Variants in URGCP observed in about 807,000 individuals in gnomAD.
URGCP encodes up-regulator of cell proliferation.
A neutral mutation model predicts 24.6 loss-of-function variants in URGCP; 13 were observed. The observed-to-expected ratio is 0.53, with a 90% CI of 0.34 to 0.84. The LOEUF (loss-of-function observed/expected upper bound fraction) is 0.84. URGCP is among the 40% of genes least tolerant of loss of function. The pLI, the probability that URGCP is intolerant of heterozygous loss-of-function variation, is 0.01. For synonymous variants in URGCP, 444 were observed against 487.2 expected, an observed-to-expected ratio of 0.91 and a Z score of 1.17; for missense variants, 899 against 1,194.3, an observed-to-expected ratio of 0.75 and a Z score of 3.64.
chr7:43,901,232 C>T (rs1349280633), intron 1 of URGCP, among the ~76,000 whole-genome samples: 2 of 152,192 alleles, frequency 1.3e-5, no homozygotes, highest in Admixed American at 6.5e-5. Context: ...CCCTGTCACT[C>T]GTGGTTCCGG....
chr7:43,899,321 T>C (rs2095885330), intron 1 of URGCP, among the ~76,000 whole-genome samples: 1 of 149,740 alleles, frequency 6.7e-6, no homozygotes, highest in Admixed American at 6.7e-5. Context: ...GATCTCACTA[T>C]GTTGCCCAGG....
chr7:43,883,710 A>G (rs2095858216), intron 3 of URGCP, among the ~76,000 whole-genome samples: 1 of 152,124 alleles, frequency 6.6e-6, no homozygotes, highest in Non-Finnish European at 1.5e-5. Context: ...GGATATTTTC[A>G]GATTTATGTT....
Position 43,876,327 on chromosome 7 carries a change from A to C in URGCP, c.*340T>G. 7.5e-6 allele frequency: 2 copies of C among 266,482 alleles called. No homozygotes were observed. Among genetic ancestry groups the C allele is most frequent in the Non-Finnish European group, 1.4e-5 (2 of 138,948 alleles). The allele number at this position is 266,482 out of a possible 1,614,324, so 16.5% of individuals were successfully genotyped here. On this transcript the variant is annotated 3_prime_UTR_variant, in exon 6 of 6. Coordinates refer to ENST00000453200, the MANE Select transcript of URGCP (RefSeq NM_001077663.3). ...CTGCCCGCCTGGGCCTGCAGTGACT[A>C]AGGACGCTGCTCCCACTCCAGGGGC...
chr7:43,915,777 G>A (rs2095914791), intron 1 of URGCP, among the ~76,000 whole-genome samples: 1 of 152,258 alleles, frequency 6.6e-6, no homozygotes, highest in Admixed American at 6.5e-5. Flanking sequence ...GGGAGGCTGA[G>A]GCGGGCAGAT....
chr7:43,919,925 C>T, intron 1 of URGCP: 5 of 1,322,386 alleles, frequency 3.8e-6, no homozygotes, highest in Non-Finnish European at 5.5e-6. Flanking sequence ...AGCCGTTCCG[C>T]AAGGAGGACA....
chr7:43,881,819 G>A, intron 4 of URGCP, 88 bp downstream of exon 4: 1 of 1,604,886 alleles, frequency 6.2e-7, no homozygotes, highest in Non-Finnish European at 8.5e-7. Flanking sequence ...TCTCCCAATT[G>A]TTCTAAATAT....
In URGCP at chr7:43,881,909, C is replaced by T; in HGVS notation, c.161G>A (p.Gly54Glu). Reference protein sequence around the residue: ...MEGDDCEFRYGDGTNEAQDND... With the variant: ...MEGDDCEFRYEDGTNEAQDND... ...TTGCCAAATCCTGTAGTTTCTACCT[C>T]CATAACGGAACTCGCAATCATCTCC... Residue 54 changes from glycine (G) to glutamate (E), a missense_variant and splice_region_variant, in exon 4 of 6, where the codon GGA becomes GAA. Gly to Glu is a moderately conservative substitution (Grantham distance 98, BLOSUM62 -2). Transcript: ENST00000453200. 6.2e-7 allele frequency: 1 copy of T among 1,614,040 alleles called. No homozygotes were observed. Among genetic ancestry groups the T allele is most frequent in the Admixed American group, 1.7e-5 (1 of 60,022 alleles).
chr7:43,900,470 A>AG (rs1491183312), intron 1 of URGCP, among the ~76,000 whole-genome samples: 7 of 28,868 alleles, frequency 2.4e-4, no homozygotes, highest in South Asian at 2.9e-3. Flanking sequence ...AAACCAAAAC[A>AG]AAAAAAAAAA....
chr7:43,917,200 C>T (rs2095916529), intron 1 of URGCP, among the ~76,000 whole-genome samples: 1 of 152,170 alleles, frequency 6.6e-6, no homozygotes, highest in South Asian at 2.1e-4. Flanking sequence ...TGACCTCTGT[C>T]TCCCTAAACA....
At chr7:43,890,788 G>A (rs2095869523) in intron 1 of URGCP, among the ~76,000 whole-genome samples, 1 of 152,166 alleles carries the variant, frequency 6.6e-6, no homozygotes, top group South Asian at 2.1e-4. Context: ...TTGTTGTCTG[G>A]CAGAAAGAAT....
chr7:43,909,742 T>A (rs190091810), upstream of URGCP, among the ~76,000 whole-genome samples: 602 of 149,314 alleles, frequency 4.0e-3, 3 homozygotes, highest in African/African-American at 8.7e-3. Context: ...ATTTAAAAAA[T>A]AATAATAATA....
chr7:43,918,688 T>C (rs2132729785), intron 1 of URGCP: 1 of 664,814 alleles, frequency 1.5e-6, no homozygotes. Context: ...CTCTGGTGCC[T>C]GAGGAGCGAT....
chr7:43,878,201 C>T lies in URGCP; in HGVS notation c.1262G>A (p.Ser421Asn). The T allele has an allele frequency of 6.2e-7, 1 of 1,614,230 alleles. No homozygotes were observed. Among genetic ancestry groups the T allele is most frequent in the Non-Finnish European group, 8.5e-7 (1 of 1,180,050 alleles). ...CTTCACGAAGCTGTCGCTGTCAGTGCTGCTGACCTTTACCAGGACATGTGA... is the reference window on the plus strand; with the variant it reads ...CTTCACGAAGCTGTCGCTGTCAGTGTTGCTGACCTTTACCAGGACATGTGA... ...DHSHVLVKVS[S>N]TDSDSFVKRI... The change falls in exon 6 of 6, where the codon AGC (serine) becomes AAC (asparagine). Residue 421 changes from serine (S) to asparagine (N), a missense_variant. Physicochemically the swap from Ser to Asn is conservative, Grantham distance 46. Transcript: ENST00000453200. This position sits in a 1 kb window ranked among gnomAD's most constrained non-coding sequence, Gnocchi z 5.6.
At chr7:43,908,206 T>C (rs1351496339), upstream of URGCP, among the ~76,000 whole-genome samples, 2 of 152,060 alleles carry the variant, frequency 1.3e-5, no homozygotes, top group Non-Finnish European at 2.9e-5. Flanking sequence ...AGCCTCCCAG[T>C]AGCTGGGACT....
intron 5 of URGCP, 76 bp downstream of exon 5, chr7:43,881,580 CAGT>C: frequency 6.3e-7 from 1 of 1,578,588 alleles, no homozygotes; most frequent in South Asian, 1.1e-5. Flanking sequence ...TGATTTGATA[CAGT>C]CAGGTGTGGG....
At chr7:43,909,381 CTG>C (rs1451738336), upstream of URGCP, among the ~76,000 whole-genome samples, 1 of 152,188 alleles carries the variant, frequency 6.6e-6, no homozygotes, top group Non-Finnish European at 1.5e-5. Flanking sequence ...TTCCAAAACA[CTG>C]TGTAACTTTT....
intron 1 of URGCP, among the ~76,000 whole-genome samples, chr7:43,911,640 T>C (rs2095910307): frequency 1.3e-5 from 2 of 152,178 alleles, no homozygotes; most frequent in Admixed American, 1.3e-4. Context: ...GAGGTTGTAG[T>C]TAGCCAAGAT....
chr7:43,909,454 C>G (rs768710038), upstream of URGCP, among the ~76,000 whole-genome samples: 2 of 152,174 alleles, frequency 1.3e-5, no homozygotes, highest in African/African-American at 4.8e-5. Context: ...AGGCCAGGTA[C>G]GGTGGCTCAT....
At position 43,877,723 on chromosome 7, in the gene URGCP, C is replaced by T. The variant is rs747595319; in HGVS notation, c.1740G>A (p.Pro580=). The T allele has an allele frequency of 6.2e-6, 10 of 1,611,358 alleles. No homozygotes were observed. In the African/African-American group the frequency reaches 6.7e-5, roughly 11 times the overall value. ...GCGTCTCCGGAGGCTGTCTCAGTCGCGGCTGGGCCACCCGTGCCAGGCCCC... is the reference window on the plus strand; with the variant it reads ...GCGTCTCCGGAGGCTGTCTCAGTCGTGGCTGGGCCACCCGTGCCAGGCCCC... ...MEWGLARVAQ[P]RLRQPPETLL... is the part of the protein sequence containing the mutation. The change falls in exon 6 of 6, where the codon CCG becomes CCA. Residue 580 remains proline, a synonymous_variant. Coordinates refer to ENST00000453200, the MANE Select transcript of URGCP (RefSeq NM_001077663.3).
Sources: allele counts gnomAD v4.1 joint callset (sites outside exome capture counted in the v4.1 genomes callset), GRCh38; gene constraint gnomAD v4.1.1; non-coding constraint Gnocchi (gnomAD v3.1); transcripts MANE v1.5; gene names NCBI Gene and HGNC (gene_info 2026-07-23, HGNC 2026-07-21).